The following KAZN variants were observed in gnomAD, a reference collection of about 807,000 sequenced individuals.
KAZN encodes kazrin.
KAZN carries 40 observed loss-of-function variants against 87.4 expected under a neutral mutation model. The observed-to-expected ratio is 0.46, with a 90% CI of 0.36 to 0.60. The LOEUF (loss-of-function observed/expected upper bound fraction) is 0.60, where lower values mean the gene tolerates loss of function less well. Among genes scored for constraint, KAZN ranks in the 20% least tolerant of loss-of-function variants. KAZN has a pLI of 0.00. For synonymous variants in KAZN, 466 were observed against 458.3 expected, an observed-to-expected ratio of 1.02 and a Z score of -0.22; for missense variants, 898 against 1,073.9, an observed-to-expected ratio of 0.84 and a Z score of 2.29.
At chr1:14,724,589 C>T (rs1002911022) in intron 1 of KAZN, among the ~76,000 whole-genome samples, 5 of 152,218 alleles carry the variant, frequency 3.3e-5, no homozygotes, top group African/African-American at 7.2e-5. Context: ...GTTCCTTCTC[C>T]GTTTTGTGCC....
chr1:14,761,812 C>T (rs1290426903), intron 1 of KAZN, among the ~76,000 whole-genome samples: 1 of 151,950 alleles, frequency 6.6e-6, no homozygotes, highest in Non-Finnish European at 1.5e-5. Flanking sequence ...GAGGAAGGTG[C>T]TGTCTGAACG....
chr1:14,855,151 G>A (rs1276936921), intron 1 of KAZN, among the ~76,000 whole-genome samples: 3 of 152,182 alleles, frequency 2.0e-5, no homozygotes, highest in African/African-American at 2.4e-5. Context: ...TACCAGGGCT[G>A]TTACCAGCCC....
Position 14,986,002 on chromosome 1 carries a change from CAAAAAAA to C in KAZN, c.418+25143_418+25149del, listed in dbSNP as rs56725513. 8.8e-5 allele frequency among the ~76,000 whole-genome samples: 5 copies of C among 56,740 alleles called. No homozygotes were observed. In the South Asian group the frequency reaches 2.2e-3, roughly 25 times the overall value. 37.2% of individuals were successfully genotyped at this position (56,740 alleles called of 152,430 possible). On this transcript the variant is annotated intron_variant, in intron 2 of 14. Transcript: ENST00000376030. ...TGGGCGACAGAGCCAGACTCTGTCTCAAAAAAAAAAAAAAAAAAAAAAGGAAAGAAAG... is the reference window on the plus strand; with the variant it reads ...TGGGCGACAGAGCCAGACTCTGTCTCAAAAAAAAAAAAAAAGGAAAGAAAG...
At chr1:15,030,509 C>T (rs1412240961) in intron 2 of KAZN, among the ~76,000 whole-genome samples, 2 of 152,142 alleles carry the variant, frequency 1.3e-5, no homozygotes, top group Non-Finnish European at 2.9e-5. Flanking sequence ...TCGAGTGCTC[C>T]GCTCGCCTCT....
chr1:13,982,248 C>T lies in KAZN; in HGVS notation c.91+88492C>T, dbSNP rs149876389. 9.2e-5 allele frequency among the ~76,000 whole-genome samples: 14 copies of T among 152,220 alleles called. 1 individual carries two copies. Among genetic ancestry groups the T allele is most frequent in the South Asian group, 2.1e-4 (1 of 4,816 alleles). On this transcript the variant is annotated intron_variant, in intron 1 of 16. Coordinates refer to the KAZN transcript ENST00000636203. The stretch of plus-strand genomic sequence containing the variant: ...CACAGTGCCCACCTCAAGGTGTGTC[C>T]GGAATTGGTGGGTTCTTGGTCTCAC...
chr1:14,044,246 T>C (rs1641963119), intron 1 of KAZN, among the ~76,000 whole-genome samples: 1 of 152,114 alleles, frequency 6.6e-6, no homozygotes, highest in African/African-American at 2.4e-5. Flanking sequence ...AGTAGAATCA[T>C]TAGGGATCAC....
intron 1 of KAZN, among the ~76,000 whole-genome samples, chr1:14,894,543 T>C (rs1432383739): frequency 6.6e-6 from 1 of 152,236 alleles, no homozygotes; most frequent in Admixed American, 6.5e-5. Flanking sequence ...TAACTGTCGA[T>C]GTGGCACATC....
rs115965687 is a variant in KAZN at position 15,002,386 on chromosome 1, G to A, written c.419-32363G>A. Among the ~76,000 whole-genome samples, 1,405 of 152,244 alleles carry A rather than the reference G, an allele frequency of 9.2e-3. 14 individuals are homozygous for A. The highest frequency in any genetic ancestry group is 0.028 in the African/African-American group (1,158 of 41,526). On this transcript the variant is annotated intron_variant, in intron 2 of 14. Coordinates refer to ENST00000376030, the MANE Select transcript of KAZN (RefSeq NM_201628.3). ...CTCCTTGACTGGGCCAAGAGTCAAT[G>A]GGTCTGCAGCCCCAGAGGTGAGGGC...
At chr1:14,791,744 A>C (rs1721827) in intron 1 of KAZN, among the ~76,000 whole-genome samples, 95,348 of 152,228 alleles carry the variant, frequency 0.63, 30,175 homozygotes, top group East Asian at 0.72. Flanking sequence ...TGCAGAGAGC[A>C]GCTCCCGGCC....
chr1:14,466,231 C>G (rs1157705196), intron 2 of KAZN, among the ~76,000 whole-genome samples: 1 of 152,136 alleles, frequency 6.6e-6, no homozygotes, highest in Non-Finnish European at 1.5e-5. Context: ...AGAGCTCACT[C>G]TACACTGTGC....
At chr1:14,215,614 T>C (rs1032040933) in intron 2 of KAZN, among the ~76,000 whole-genome samples, 1 of 152,218 alleles carries the variant, frequency 6.6e-6, no homozygotes. Flanking sequence ...GTTTCCTTTT[T>C]GAAATGAAGA....
chr1:13,900,981 T>C (rs1047365259), intron 1 of KAZN, among the ~76,000 whole-genome samples: 1 of 152,102 alleles, frequency 6.6e-6, no homozygotes, highest in African/African-American at 2.4e-5. Flanking sequence ...AAAACATTCC[T>C]TCTGGTCATG....
chr1:14,323,332 G>T, intron 2 of KAZN, among the ~76,000 whole-genome samples: 1 of 152,090 alleles, frequency 6.6e-6, no homozygotes, highest in Admixed American at 6.6e-5. Flanking sequence ...GGGCCAGGAG[G>T]AGAGACCTGA....
At position 15,021,719 on chromosome 1, in the gene KAZN, C is replaced by T. The variant is rs1334798379; in HGVS notation, c.419-13030C>T. ...GGGCCCCTGTGGCTCCCTGCAGTCC[C>T]TCTTATGACGGACACTCTGTCTGCA... is the stretch of plus-strand genomic sequence containing the variant. On this transcript the variant is annotated intron_variant, in intron 2 of 14. Transcript: ENST00000376030. This position sits in a 1 kb window ranked among gnomAD's most constrained non-coding sequence, Gnocchi z 4.2. Among the ~76,000 whole-genome samples, 1 of 152,194 alleles carries T rather than the reference C, an allele frequency of 6.6e-6. No homozygotes were observed. Among genetic ancestry groups the T allele is most frequent in the Admixed American group, 6.5e-5 (1 of 15,278 alleles).
chr1:13,905,542 A>G (rs1639404183), intron 1 of KAZN, among the ~76,000 whole-genome samples: 1 of 151,062 alleles, frequency 6.6e-6, no homozygotes, highest in African/African-American at 2.4e-5. Flanking sequence ...CAGGACCCAC[A>G]TCCAAGTCTC....
At chr1:14,659,828 G>A (rs1406882098) in intron 1 of KAZN, among the ~76,000 whole-genome samples, 2 of 150,148 alleles carry the variant, frequency 1.3e-5, no homozygotes, top group African/African-American at 2.5e-5. Context: ...TTTCAAAATG[G>A]AAAAAACCCT....
chr1:14,603,871 C>T (rs138611154), intron 1 of KAZN, among the ~76,000 whole-genome samples: 4 of 152,308 alleles, frequency 2.6e-5, no homozygotes, highest in Non-Finnish European at 4.4e-5. Context: ...GGAACTTTGC[C>T]TGCTCACCGT....
intron 2 of KAZN, among the ~76,000 whole-genome samples, chr1:14,980,727 G>A (rs950404937): frequency 6.6e-6 from 1 of 152,122 alleles, no homozygotes; most frequent in East Asian, 1.9e-4. Flanking sequence ...GGGGTGTCTC[G>A]GAAACCATTC....
intron 2 of KAZN, among the ~76,000 whole-genome samples, chr1:15,004,564 G>C (rs1164348898): frequency 6.6e-6 from 1 of 152,208 alleles, no homozygotes; most frequent in Non-Finnish European, 1.5e-5. Flanking sequence ...GAGATGATGT[G>C]TGTAAATCCC....
Sources: gnomAD v4.1 joint callset for allele counts (sites outside exome capture counted in the v4.1 genomes callset) on GRCh38, gnomAD v4.1.1 for gene constraint, Gnocchi (gnomAD v3.1) non-coding constraint, MANE v1.5 for transcripts, NCBI Gene and HGNC (gene_info 2026-07-23, HGNC 2026-07-21) for gene names.